Variants in STX7 observed in about 807,000 individuals in gnomAD.
STX7 encodes the protein syntaxin-7.
Under a neutral mutation model 39.6 loss-of-function variants are expected in STX7, and 34 were observed. That is an observed-to-expected ratio of 0.86 (90% CI 0.65 to 1.14). STX7 has a LOEUF of 1.14. Ranked by LOEUF, STX7 falls within the 50% of genes most tolerant of loss-of-function variation. The probability of loss-of-function intolerance (pLI) is 0.00; values close to 1 mark genes in which losing one functional copy is unlikely to be tolerated. For synonymous variants in STX7, 119 were observed against 99.1 expected (o/e 1.20, Z -1.19); for missense variants, 284 against 310.4 (o/e 0.92, Z 0.64).
intron 2 of STX7, among the ~76,000 whole-genome samples, chr6:132,480,854 G>A (rs1405579818): frequency 6.6e-6 from 1 of 152,194 alleles, no homozygotes; most frequent in Non-Finnish European, 1.5e-5. Flanking sequence ...GCACCTGCCA[G>A]TATTCTTTTT....
intron 2 of STX7, among the ~76,000 whole-genome samples, chr6:132,477,548 A>C (rs1454351167): frequency 6.6e-6 from 1 of 152,190 alleles, no homozygotes; most frequent in Non-Finnish European, 1.5e-5. Context: ...TAATTTAAAT[A>C]GTAAAATTGA....
At position 132,492,741 on chromosome 6, in the gene STX7, C is replaced by T. The variant is rs566190077; in HGVS notation, c.85+10705G>A. On this transcript the variant is annotated intron_variant, in intron 2 of 9. Transcript: ENST00000367941. ...ACCAGGGTGACTGGAAGATCAAAAA[C>T]AATGCACAAAAAAAGGAATAAAAGA... Among the ~76,000 whole-genome samples the T allele has an allele frequency of 2.0e-4, 30 of 152,124 alleles. No homozygotes were observed. The South Asian group carries it at 6.0e-3, about 31-fold the overall frequency.
intron 2 of STX7, 121 bp from the exon 3 acceptor site, chr6:132,475,783 A>ACTTTGT: frequency 3.8e-6 from 2 of 526,662 alleles, no homozygotes; most frequent in Non-Finnish European, 6.4e-6. Flanking sequence ...AAAGATGAAA[A>ACTTTGT]TAGAAAATAT....
At chr6:132,501,339 C>T (rs1217094742) in intron 2 of STX7, among the ~76,000 whole-genome samples, 2 of 152,160 alleles carry the variant, frequency 1.3e-5, no homozygotes, top group Non-Finnish European at 2.9e-5. Flanking sequence ...CAGGTGTGAG[C>T]CACCATGCCC....
intron 2 of STX7, among the ~76,000 whole-genome samples, chr6:132,492,958 G>A (rs190576960): frequency 2.1e-3 from 327 of 152,258 alleles, no homozygotes; most frequent in African/African-American, 7.6e-3. Context: ...CAGTGTACTG[G>A]GTATTCACAA....
At position 132,470,061 on chromosome 6, in the gene STX7, ATG is replaced by A. The variant is rs1400678378; in HGVS notation, c.441-16_441-15del. On this transcript the variant is annotated splice_polypyrimidine_tract_variant and intron_variant, in intron 6 of 9. Transcript: ENST00000367941. ...GGTTGAGTTTGGCTAACAGAAAAAA[ATG>A]AATGTGGAAAAAAACAAAGATTGGT... The A allele has an allele frequency of 6.4e-7, 1 of 1,565,544 alleles. No individual in the cohort carries two copies. The highest frequency in any genetic ancestry group is 2.1e-5 in the Admixed American group (1 of 47,872).
At position 132,503,459 on chromosome 6, in the gene STX7, C is replaced by T; in HGVS notation, c.72G>A (p.Lys24=). ...AACTCAACTCACAACACTGTGTGAT[C>T]TTCTGGATGTTAGAAGAGATCCTCT... ...LAQRISSNIQ[K]ITQCSVEIQR... The change falls in exon 2 of 10, where the codon AAG becomes AAA. Residue 24 remains lysine, a synonymous_variant. Transcript: ENST00000367941. 6.2e-7 allele frequency: 1 copy of T among 1,613,980 alleles called. No homozygotes were observed. The highest frequency in any genetic ancestry group is 8.5e-7 in the Non-Finnish European group (1 of 1,179,874).
Position 132,484,108 on chromosome 6 carries a change from G to A in STX7, c.86-8446C>T, listed in dbSNP as rs186660747. On this transcript the variant is annotated intron_variant, in intron 2 of 9. Transcript: ENST00000367941. ...GGATTAAATCAACATGTGTCTCTAC[G>A]AGAATACAAAGAAAAAATTATTTTT... is the stretch of plus-strand genomic sequence containing the variant. Among the ~76,000 whole-genome samples, 8 of 152,298 alleles carry A rather than the reference G, an allele frequency of 5.3e-5. 1 individual carries two copies. Among genetic ancestry groups the A allele is most frequent in the Admixed American group, 3.3e-4 (5 of 15,300 alleles).
rs769997529 is a variant in STX7 at position 132,475,672 on chromosome 6, T to C, written c.86-10A>G. 1.2e-5 allele frequency: 19 copies of C among 1,584,250 alleles called. No individual in the cohort carries two copies. The highest frequency in any genetic ancestry group is 1.7e-5 in the Admixed American group (1 of 58,224). Reference sequence around the variant, plus strand: ...CTTTGTATTTCCACAGCTATTATAATAGAAAATTCATGTATTAATTGTCAC... The same window carrying C: ...CTTTGTATTTCCACAGCTATTATAACAGAAAATTCATGTATTAATTGTCAC... On this transcript the variant is annotated splice_polypyrimidine_tract_variant and intron_variant, in intron 2 of 9. Transcript: ENST00000367941.
chr6:132,475,970 T>G (rs896229519), intron 2 of STX7, among the ~76,000 whole-genome samples: 2 of 152,166 alleles, frequency 1.3e-5, no homozygotes, highest in Non-Finnish European at 2.9e-5. Flanking sequence ...ACACAGACTT[T>G]AACACTACTA....
At chr6:132,507,418 T>C (rs1332705416) in intron 1 of STX7, among the ~76,000 whole-genome samples, 1 of 152,264 alleles carries the variant, frequency 6.6e-6, no homozygotes, top group African/African-American at 2.4e-5. Context: ...TTAGAACATT[T>C]CTATTACGCT....
rs751578884 is a variant in STX7 at position 132,447,414 on chromosome 6, C to T, written c.*13344G>A. On this transcript the variant is annotated 3_prime_UTR_variant, in exon 10 of 10. Coordinates refer to ENST00000367941, the MANE Select transcript of STX7 (RefSeq NM_003569.3). ...TTTCCTTCTAAATCTTTTATACATG[C>T]TTAAGAAATATGCACATGCTCTAAA... 6.6e-6 allele frequency: 1 copy of T among 152,154 alleles called. No homozygotes were observed. Among genetic ancestry groups the T allele is most frequent in the Non-Finnish European group, 1.5e-5 (1 of 68,026 alleles). The allele number at this position is 152,154 out of a possible 1,614,324, so 9.4% of individuals were successfully genotyped here.
Position 132,453,763 on chromosome 6 carries a change from T to C in STX7, c.*6995A>G, listed in dbSNP as rs1340510972. 2.6e-5 allele frequency: 4 copies of C among 151,678 alleles called. No individual in the cohort carries two copies. The highest frequency in any genetic ancestry group is 9.7e-5 in the African/African-American group (4 of 41,292). 9.4% of individuals were successfully genotyped at this position (151,678 alleles called of 1,614,324 possible). On this transcript the variant is annotated 3_prime_UTR_variant, in exon 10 of 10. Coordinates refer to ENST00000367941, the MANE Select transcript of STX7 (RefSeq NM_003569.3). Reference sequence around the variant, plus strand: ...TATACACTTATCAGAATGACTAAAATAAAAAAGAGACACCACCAAATGCTG... The same window carrying C: ...TATACACTTATCAGAATGACTAAAACAAAAAAGAGACACCACCAAATGCTG...
Position 132,495,138 on chromosome 6 carries a change from G to T in STX7, c.85+8308C>A, listed in dbSNP as rs547583311. Among the ~76,000 whole-genome samples the T allele has an allele frequency of 1.4e-4, 22 of 152,274 alleles. No homozygotes were observed. In the South Asian group the frequency reaches 1.5e-3, roughly 10 times the overall value. On this transcript the variant is annotated intron_variant, in intron 2 of 9. Coordinates refer to ENST00000367941, the MANE Select transcript of STX7 (RefSeq NM_003569.3). ...CACAGATAGGAGAGTGAGGGATAAA[G>T]CTCCTTGAAGCATCTTGGAGCCACA...
Position 132,451,136 on chromosome 6 carries a change from T to C in STX7, c.*9622A>G, listed in dbSNP as rs1480904194. ...TTTTTGACAAGGAGTCTCGTTCTGT[T>C]GCTCAGACTGGAGTACAGTGGTGCG... On this transcript the variant is annotated 3_prime_UTR_variant, in exon 10 of 10. Coordinates refer to ENST00000367941, the MANE Select transcript of STX7 (RefSeq NM_003569.3). 1 of 151,726 alleles carries C rather than the reference T, an allele frequency of 6.6e-6. No individual in the cohort carries two copies. The highest frequency in any genetic ancestry group is 1.5e-5 in the Non-Finnish European group (1 of 67,910). 9.4% of individuals were successfully genotyped at this position (151,726 alleles called of 1,614,324 possible).
Position 132,451,107 on chromosome 6 carries a change from T to C in STX7, c.*9651A>G, listed in dbSNP as rs1252366442. The C allele has an allele frequency of 1.3e-5, 2 of 151,746 alleles. No homozygotes were observed. Among genetic ancestry groups the C allele is most frequent in the African/African-American group, 4.8e-5 (2 of 41,354 alleles). 9.4% of individuals were successfully genotyped at this position (151,746 alleles called of 1,614,324 possible). A position where few individuals can be genotyped will look rare whatever the true frequency, so the allele number is the denominator to read the frequency against. ...AACCATGAAATTTTCTTTCCTTTTT[T>C]TTTTTTTTGACAAGGAGTCTCGTTC... On this transcript the variant is annotated 3_prime_UTR_variant, in exon 10 of 10. Coordinates refer to ENST00000367941, the MANE Select transcript of STX7 (RefSeq NM_003569.3).
chr6:132,478,731 C>A (rs1272585130), intron 2 of STX7, among the ~76,000 whole-genome samples: 1 of 152,186 alleles, frequency 6.6e-6, no homozygotes, highest in Non-Finnish European at 1.5e-5. Context: ...GGATTTACTA[C>A]AACAGAGCAT....
intron 9 of STX7, chr6:132,461,841 A>G (rs374557510): frequency 1.4e-5 from 22 of 1,542,420 alleles, no homozygotes; most frequent in East Asian, 1.2e-4. Flanking sequence ...ACCTCACATC[A>G]ACATGCAGGA....
intron 7 of STX7, among the ~76,000 whole-genome samples, chr6:132,469,178 T>A (rs187523650): frequency 6.6e-6 from 1 of 152,316 alleles, no homozygotes; most frequent in Admixed American, 6.5e-5. Context: ...AGGAACTAAG[T>A]AGGTTCCATA....
Sources: allele counts gnomAD v4.1 joint callset (sites outside exome capture counted in the v4.1 genomes callset), GRCh38; gene constraint gnomAD v4.1.1; transcripts MANE v1.5; gene names NCBI Gene and HGNC (gene_info 2026-07-23, HGNC 2026-07-21).